The following PIEZO2 variants were observed in gnomAD, a reference collection of about 807,000 sequenced individuals.
PIEZO2 encodes piezo type mechanosensitive ion channel component 2, also known as piezo-type mechanosensitive ion channel component 2.
A neutral mutation model predicts 337.3 loss-of-function variants in PIEZO2; 172 were observed. The observed-to-expected ratio is 0.51, with a 90% CI of 0.45 to 0.58. The LOEUF is 0.58. PIEZO2 is among the 20% of genes least tolerant of loss of function. The pLI is 0.00. For synonymous variants in PIEZO2, 1,251 were observed against 1,228.5 expected, an observed-to-expected ratio of 1.02 and a Z score of -0.38; for missense variants, 3,028 against 3,391.3, an observed-to-expected ratio of 0.89 and a Z score of 2.66.
At chr18:10,959,888 A>G (rs1445309019) in intron 3 of PIEZO2, among the ~76,000 whole-genome samples, 3 of 152,186 alleles carry the variant, frequency 2.0e-5, no homozygotes, top group Admixed American at 2.0e-4. Flanking sequence ...GAAACTTAGA[A>G]TATCTGTAAG....
Position 11,099,865 on chromosome 18 carries a change from A to G in PIEZO2, c.65-33643T>C, listed in dbSNP as rs2039360618. ...ATGAATACTATTTTCTAGTTTTCCT[A>G]TAGGTTATTTCTCTTTTATTCCAGC... On this transcript the variant is annotated intron_variant, in intron 1 of 55. Transcript: ENST00000674853. This position sits in a 1 kb window ranked among gnomAD's most constrained non-coding sequence, Gnocchi z 5.4. Among the ~76,000 whole-genome samples, 1 of 152,072 alleles carries G rather than the reference A, an allele frequency of 6.6e-6. No homozygotes were observed. Among genetic ancestry groups the G allele is most frequent in the South Asian group, 2.1e-4 (1 of 4,814 alleles).
chr18:11,013,425 A>T (rs2035974937), intron 2 of PIEZO2, among the ~76,000 whole-genome samples: 1 of 152,228 alleles, frequency 6.6e-6, no homozygotes, highest in African/African-American at 2.4e-5. Context: ...TAGAACTGTA[A>T]GATAATACAT....
chr18:11,057,145 C>T (rs945381351), intron 2 of PIEZO2, among the ~76,000 whole-genome samples: 11 of 152,066 alleles, frequency 7.2e-5, no homozygotes, highest in South Asian at 6.2e-4. Flanking sequence ...GAGGGTCTAG[C>T]GGCTCCTGGA....
intron 3 of PIEZO2, among the ~76,000 whole-genome samples, chr18:10,978,468 C>T (rs933830972): frequency 3.3e-5 from 5 of 152,054 alleles, no homozygotes; most frequent in African/African-American, 4.8e-5. Context: ...CTTAAAAAAT[C>T]GTCTTGATAG....
intron 27 of PIEZO2, among the ~76,000 whole-genome samples, chr18:10,755,920 G>A (rs956830733): frequency 2.0e-5 from 3 of 151,664 alleles, no homozygotes; most frequent in African/African-American, 7.3e-5. Context: ...GTGAGGAGGA[G>A]GGATGGGGGA....
intron 1 of PIEZO2, among the ~76,000 whole-genome samples, chr18:11,144,551 T>C (rs2040758282): frequency 6.6e-6 from 1 of 152,230 alleles, no homozygotes; most frequent in South Asian, 2.1e-4. Flanking sequence ...TACATCATGC[T>C]ATAAAGAGAA....
intron 3 of PIEZO2, among the ~76,000 whole-genome samples, chr18:10,978,642 G>T (rs1002619830): frequency 6.6e-6 from 1 of 152,144 alleles, no homozygotes; most frequent in Non-Finnish European, 1.5e-5. Flanking sequence ...GATCCACGAA[G>T]AATTTTGATT....
chr18:10,938,055 T>A (rs181527894), intron 3 of PIEZO2, among the ~76,000 whole-genome samples: 1 of 152,310 alleles, frequency 6.6e-6, no homozygotes, highest in East Asian at 1.9e-4. Flanking sequence ...TGCAAATAAT[T>A]TAGCATCTGA....
chr18:10,765,100 T>G (rs1185922904), intron 21 of PIEZO2, among the ~76,000 whole-genome samples: 1 of 152,204 alleles, frequency 6.6e-6, no homozygotes, highest in Non-Finnish European at 1.5e-5. Flanking sequence ...AGGTTCAAGG[T>G]GACACATCCC....
intron 1 of PIEZO2, among the ~76,000 whole-genome samples, chr18:11,091,181 G>T (rs754438182): frequency 8.6e-5 from 13 of 151,840 alleles, no homozygotes; most frequent in Non-Finnish European, 1.8e-4. Context: ...GTCAGGAGTT[G>T]AAGAACAGCC....
rs1037445170 is a variant in PIEZO2, at chr18:11,070,157, G to T, written c.65-3935C>A. ...ACTGCACACCTAGACATATGGTGTA[G>T]CCTACTGCTCCTAGGCCAAAAACCT... On this transcript the variant is annotated intron_variant, in intron 1 of 55. Transcript: ENST00000674853. This position sits in a 1 kb window ranked among gnomAD's most constrained non-coding sequence, Gnocchi z 4.3. Among the ~76,000 whole-genome samples the T allele has an allele frequency of 1.3e-5, 2 of 152,186 alleles. No homozygotes were observed. The highest frequency in any genetic ancestry group is 1.3e-4 in the Admixed American group (2 of 15,274).
chr18:10,927,416 G>T (rs1192436443), intron 3 of PIEZO2, among the ~76,000 whole-genome samples: 1 of 152,102 alleles, frequency 6.6e-6, no homozygotes, highest in African/African-American at 2.4e-5. Context: ...CCGTGGGTGG[G>T]GGACGCCTTG....
At position 11,033,907 on chromosome 18, in the gene PIEZO2, C is replaced by T. The variant is rs150798862; in HGVS notation, c.160+32220G>A. 2.9e-3 allele frequency among the ~76,000 whole-genome samples: 434 copies of T among 152,000 alleles called. 2 individuals carry two copies. Among genetic ancestry groups the T allele is most frequent in the African/African-American group, 0.01 (423 of 41,444 alleles). Reference sequence around the variant, plus strand: ...CAAAAATATTATCTTCAGACTTTACCGGGTTGGTTTATAACTTTAATACCT... The same window carrying T: ...CAAAAATATTATCTTCAGACTTTACTGGGTTGGTTTATAACTTTAATACCT... On this transcript the variant is annotated intron_variant, in intron 2 of 55. Transcript: ENST00000674853. This position sits in a 1 kb window ranked among gnomAD's most constrained non-coding sequence, Gnocchi z 4.2.
rs1388499607 is a variant in PIEZO2 at position 10,770,312 on chromosome 18, C to A, written c.2786-4G>T. 3 of 1,534,188 alleles carry A rather than the reference C, an allele frequency of 2.0e-6. No individual in the cohort carries two copies. In the African/African-American group the frequency reaches 4.1e-5, roughly 21 times the overall value. ...AGGTGCCATTTGTTCCTTAAGTCTG[C>A]AAAATAGGAAGTACAGACAAGAGCA... On this transcript the variant is annotated splice_polypyrimidine_tract_variant and splice_region_variant and intron_variant, in intron 20 of 55. Transcript: ENST00000674853.
rs554604000 is a variant in PIEZO2, at chr18:11,078,692, C to G, written c.65-12470G>C. 6.6e-6 allele frequency among the ~76,000 whole-genome samples: 1 copy of G among 152,166 alleles called. No individual in the cohort carries two copies. Among genetic ancestry groups the G allele is most frequent in the Non-Finnish European group, 1.5e-5 (1 of 68,038 alleles). ...TGATACCATACTAATGAGACACATG[C>G]GGCCTCTGACCACAGTGTGAAAACC... is the stretch of plus-strand genomic sequence containing the variant. On this transcript the variant is annotated intron_variant, in intron 1 of 55. Coordinates refer to ENST00000674853, the MANE Select transcript of PIEZO2 (RefSeq NM_001378183.1). This position sits in a 1 kb window ranked among gnomAD's most constrained non-coding sequence, Gnocchi z 5.3.
chr18:10,796,563 A>T (rs1009631906), intron 12 of PIEZO2, among the ~76,000 whole-genome samples: 2 of 152,252 alleles, frequency 1.3e-5, no homozygotes, highest in Non-Finnish European at 2.9e-5. Context: ...CTGACTTGAC[A>T]AGCTAATTTG....
intron 2 of PIEZO2, among the ~76,000 whole-genome samples, chr18:11,040,352 T>C (rs181504877): frequency 1.3e-5 from 2 of 152,342 alleles, no homozygotes; most frequent in African/African-American, 4.8e-5. Flanking sequence ...TATTTTTCTT[T>C]ATATCTTAAG....
rs1188131811 is a variant in PIEZO2 at position 11,033,153 on chromosome 18, G to C, written c.160+32974C>G. On this transcript the variant is annotated intron_variant, in intron 2 of 55. Coordinates refer to ENST00000674853, the MANE Select transcript of PIEZO2 (RefSeq NM_001378183.1). This position sits in a 1 kb window ranked among gnomAD's most constrained non-coding sequence, Gnocchi z 4.2. Reference sequence around the variant, plus strand: ...CGTGAGCCCAACACATTACGTCATTGAGTCCTCTCTACAACACACATGTGG... The same window carrying C: ...CGTGAGCCCAACACATTACGTCATTCAGTCCTCTCTACAACACACATGTGG... Among the ~76,000 whole-genome samples the C allele has an allele frequency of 1.3e-5, 2 of 152,212 alleles. No homozygotes were observed. Among genetic ancestry groups the C allele is most frequent in the South Asian group, 4.1e-4 (2 of 4,836 alleles).
At chr18:11,134,717 T>G (rs1248283853) in intron 1 of PIEZO2, among the ~76,000 whole-genome samples, 2 of 152,210 alleles carry the variant, frequency 1.3e-5, no homozygotes, top group African/African-American at 2.4e-5. Context: ...CTGAACAGTC[T>G]TGCCATGTTT....
Sources: gnomAD v4.1 joint callset for allele counts (sites outside exome capture counted in the v4.1 genomes callset) on GRCh38, gnomAD v4.1.1 for gene constraint, Gnocchi (gnomAD v3.1) non-coding constraint, MANE v1.5 for transcripts, NCBI Gene and HGNC (gene_info 2026-07-23, HGNC 2026-07-21) for gene names.